Variants in PRRX1 observed in about 807,000 individuals in gnomAD.
The protein encoded by PRRX1 is paired related homeobox 1.
A neutral mutation model predicts 24.0 loss-of-function variants in PRRX1; 8 were observed. The ratio of observed to expected loss-of-function variants is 0.33; its 90% confidence interval spans 0.20 to 0.60. The LOEUF (loss-of-function observed/expected upper bound fraction) is 0.60, where lower values mean the gene tolerates loss of function less well. PRRX1 is among the 20% of genes least tolerant of loss of function. The pLI, the probability that PRRX1 is intolerant of heterozygous loss-of-function variation, is 0.82. For missense variants in PRRX1, 281 were observed against 322.4 expected, an observed-to-expected ratio of 0.87 and a Z score of 0.98; for synonymous variants, 160 against 131.7, an observed-to-expected ratio of 1.22 and a Z score of -1.47.
chr1:170,675,292 G>C (rs1282389582), intron 1 of PRRX1, among the ~76,000 whole-genome samples: 1 of 152,116 alleles, frequency 6.6e-6, no homozygotes, highest in Non-Finnish European at 1.5e-5. Flanking sequence ...AAAAGCCTGC[G>C]TAATACCTAA....
Position 170,698,294 on chromosome 1 carries a change from G to A in PRRX1, c.242-21432G>A, listed in dbSNP as rs187061315. Among the ~76,000 whole-genome samples the A allele has an allele frequency of 3.3e-5, 5 of 152,068 alleles. No individual in the cohort carries two copies. The East Asian group carries it at 9.7e-4, about 29-fold the overall frequency. ...TTTTGGAAAGTTAAAGCTAAATAAG[G>A]CTATATACTTATATATGTTTCTTGA... On this transcript the variant is annotated intron_variant, in intron 1 of 3. Transcript: ENST00000239461.
chr1:170,716,999 C>T, intron 1 of PRRX1, among the ~76,000 whole-genome samples: 1 of 152,208 alleles, frequency 6.6e-6, no homozygotes, highest in East Asian at 1.9e-4. Flanking sequence ...AGACCATCCC[C>T]AGGACTGCTG....
At chr1:170,685,964 C>A (rs1157422082) in intron 1 of PRRX1, among the ~76,000 whole-genome samples, 1 of 151,780 alleles carries the variant, frequency 6.6e-6, no homozygotes, top group Non-Finnish European at 1.5e-5. Context: ...TGGACATATA[C>A]CTGTTCATTC....
chr1:170,689,268 C>T lies in PRRX1; in HGVS notation c.241+24809C>T, dbSNP rs149132171. 4.2e-3 allele frequency among the ~76,000 whole-genome samples: 634 copies of T among 152,110 alleles called. 2 individuals carry two copies. Among genetic ancestry groups the T allele is most frequent in the African/African-American group, 0.014 (601 of 41,530 alleles). On this transcript the variant is annotated intron_variant, in intron 1 of 3. Coordinates refer to ENST00000239461, the MANE Select transcript of PRRX1 (RefSeq NM_022716.4). ...GGATTGATAATAATTTAGTGAGACT[C>T]TTTCTGTGGAGCTGTGTACTGTTCT...
At chr1:170,697,558 T>A (rs1654211271) in intron 1 of PRRX1, among the ~76,000 whole-genome samples, 2 of 151,510 alleles carry the variant, frequency 1.3e-5, no homozygotes, top group Non-Finnish European at 2.9e-5. Context: ...TCAAAGGCAC[T>A]TTCTTCCAAT....
At chr1:170,672,740 T>A (rs1653181727) in intron 1 of PRRX1, among the ~76,000 whole-genome samples, 1 of 152,210 alleles carries the variant, frequency 6.6e-6, no homozygotes, top group African/African-American at 2.4e-5. Flanking sequence ...AGCCAGCACT[T>A]CAGATATATA....
At chr1:170,734,523 G>A (rs1332717417) in intron 3 of PRRX1, among the ~76,000 whole-genome samples, 1 of 152,140 alleles carries the variant, frequency 6.6e-6, no homozygotes, top group Non-Finnish European at 1.5e-5. Context: ...ATAAAAGAAC[G>A]TAGCCTGGTC....
At chr1:170,692,256 A>G (rs11579905) in intron 1 of PRRX1, among the ~76,000 whole-genome samples, 7,000 of 149,904 alleles carry the variant, frequency 0.047, 236 homozygotes, top group Middle Eastern at 0.12. Context: ...CCTTTCTAAT[A>G]ACTGACATAA....
chr1:170,687,704 G>A (rs1653794098), intron 1 of PRRX1, among the ~76,000 whole-genome samples: 1 of 152,110 alleles, frequency 6.6e-6, no homozygotes, highest in South Asian at 2.1e-4. Context: ...TATAGCATGT[G>A]CTTGATTCTT....
chr1:170,714,830 C>G (rs533475627), intron 1 of PRRX1, among the ~76,000 whole-genome samples: 2 of 152,240 alleles, frequency 1.3e-5, no homozygotes, highest in East Asian at 1.9e-4. Flanking sequence ...ATACTAGAGC[C>G]GAGGTCAGGG....
At chr1:170,675,659 A>G (rs1043782707) in intron 1 of PRRX1, among the ~76,000 whole-genome samples, 2 of 152,174 alleles carry the variant, frequency 1.3e-5, no homozygotes, top group Non-Finnish European at 2.9e-5. Flanking sequence ...ATGAGCATCT[A>G]CAGCATTTCA....
intron 1 of PRRX1, among the ~76,000 whole-genome samples, chr1:170,692,775 A>G (rs1654038251): frequency 6.6e-6 from 1 of 151,572 alleles, no homozygotes; most frequent in South Asian, 2.1e-4. Context: ...ACACACGTGC[A>G]CACGCACATG....
intron 1 of PRRX1, among the ~76,000 whole-genome samples, chr1:170,670,502 C>T (rs1179624554): frequency 6.6e-6 from 1 of 152,140 alleles, no homozygotes; most frequent in Non-Finnish European, 1.5e-5. Context: ...GTTTGTTTTT[C>T]AGGTGTAGAT....
At position 170,664,262 on chromosome 1, in the gene PRRX1, T is replaced by G. The variant is rs1440483766; in HGVS notation, c.44T>G (p.Leu15Arg). 6.2e-7 allele frequency: 1 copy of G among 1,612,662 alleles called. No individual in the cohort carries two copies. The change falls in exon 1 of 4, where the codon CTG becomes CGG. Residue 15 changes from leucine (L) to arginine (R), a missense_variant. Leu to Arg is a moderately radical substitution (Grantham distance 102, BLOSUM62 -2). Transcript: ENST00000239461. ...CACGTTCTGGAGCGGCAACCGGCGC[T>G]GGGCGGCCGCTTGGACAGCCCGGGC... ...YGHVLERQPA[L>R]GGRLDSPGNL...
At chr1:170,671,624 A>G (rs946556726) in intron 1 of PRRX1, among the ~76,000 whole-genome samples, 10 of 152,232 alleles carry the variant, frequency 6.6e-5, no homozygotes, top group Admixed American at 5.9e-4. Flanking sequence ...GTGGGAAATA[A>G]TAGTTTGATG....
chr1:170,670,167 G>A (rs1320988372), intron 1 of PRRX1, among the ~76,000 whole-genome samples: 2 of 152,194 alleles, frequency 1.3e-5, no homozygotes, highest in Non-Finnish European at 2.9e-5. Context: ...CTTATTGGGA[G>A]CCCTTTGTCG....
chr1:170,701,062 A>G (rs2101904415), intron 1 of PRRX1, among the ~76,000 whole-genome samples: 1 of 152,282 alleles, frequency 6.6e-6, no homozygotes, highest in Non-Finnish European at 1.5e-5. Context: ...TGCCTTTATC[A>G]CCCTGCTCTG....
At chr1:170,678,234 A>G (rs924184522) in intron 1 of PRRX1, among the ~76,000 whole-genome samples, 1 of 152,226 alleles carries the variant, frequency 6.6e-6, no homozygotes, top group African/African-American at 2.4e-5. Context: ...TTGAAATCTG[A>G]TAAGCCTGGA....
intron 1 of PRRX1, among the ~76,000 whole-genome samples, chr1:170,669,698 G>A (rs866226556): frequency 6.6e-6 from 1 of 151,956 alleles, no homozygotes; most frequent in African/African-American, 2.4e-5. Context: ...AACCCTCCTT[G>A]GCGGAAGCAC....
Sources: gnomAD v4.1 joint callset for allele counts (sites outside exome capture counted in the v4.1 genomes callset) on GRCh38, gnomAD v4.1.1 for gene constraint, MANE v1.5 for transcripts, NCBI Gene and HGNC (gene_info 2026-07-23, HGNC 2026-07-21) for gene names.